The following OAS2 variants were observed in gnomAD, a reference collection of about 807,000 sequenced individuals.
OAS2 encodes 2'-5'-oligoadenylate synthase 2.
A neutral mutation model predicts 71.3 loss-of-function variants in OAS2; 67 were observed. The observed-to-expected ratio is 0.94, with a 90% confidence interval of 0.77 to 1.15. The LOEUF (loss-of-function observed/expected upper bound fraction) is 1.15, where lower values mean the gene tolerates loss of function less well. OAS2 is among the 50% of genes most tolerant of loss of function. OAS2 has a pLI of 0.00. For missense variants in OAS2, 789 were observed against 822.5 expected (o/e 0.96, Z 0.50); for synonymous variants, 327 against 321.8 (o/e 1.02, Z -0.17).
At chr12:113,005,515 C>A (rs566963635) in intron 7 of OAS2, among the ~76,000 whole-genome samples, 1 of 151,862 alleles carries the variant, frequency 6.6e-6, no homozygotes, top group East Asian at 1.9e-4. Context: ...CCACTGCACT[C>A]CAGCCTGGGT....
At chr12:113,000,727 A>G (rs547782777) in intron 5 of OAS2, among the ~76,000 whole-genome samples, 2 of 151,964 alleles carry the variant, frequency 1.3e-5, no homozygotes, top group South Asian at 4.2e-4. Flanking sequence ...ACATGCACTC[A>G]CACACATGCA....
chr12:113,007,721 A>C lies in OAS2; in HGVS notation c.1673A>C (p.Lys558Thr), dbSNP rs1194228453. 3 of 1,614,052 alleles carry C rather than the reference A, an allele frequency of 1.9e-6. No homozygotes were observed. Among genetic ancestry groups the C allele is most frequent in the Non-Finnish European group, 1.7e-6 (2 of 1,179,938 alleles). The change falls in exon 9 of 10, where the codon AAG becomes ACG. Residue 558 changes from lysine (K) to threonine (T), a missense_variant. Lys to Thr is a moderately conservative substitution (Grantham distance 78, BLOSUM62 -1). Transcript: ENST00000392583. ...CTTACCTAGTGTGAAAGGAAACTGA[A>C]GCCAAAGGGGTCTTTGCCCCCAAAG... ...HWYKECERKL[K>T]PKGSLPPKYA...
At chr12:113,007,639 T>C in intron 8 of OAS2, 66 bp from the exon 9 acceptor site, 20 of 1,314,472 alleles carry the variant, frequency 1.5e-5, no homozygotes, top group Non-Finnish European at 2.1e-5. Context: ...CTTGCTGTGG[T>C]CCCTGTGCGG....
At chr12:112,980,046 A>G (rs1197138139) in intron 1 of OAS2, among the ~76,000 whole-genome samples, 1 of 152,186 alleles carries the variant, frequency 6.6e-6, no homozygotes, top group African/African-American at 2.4e-5. Flanking sequence ...GTTGTGGGGT[A>G]CAGTTGTTTA....
At position 113,010,665 on chromosome 12, in the gene OAS2, C is replaced by T; in HGVS notation, c.*1410C>T. The T allele has an allele frequency of 3.7e-6, 3 of 811,724 alleles. No individual in the cohort carries two copies. The highest frequency in any genetic ancestry group is 2.4e-4 in the Middle Eastern group (1 of 4,098). 50.3% of individuals were successfully genotyped at this position (811,724 alleles called of 1,614,324 possible). A position where few individuals can be genotyped will look rare whatever the true frequency, so the allele number is the denominator to read the frequency against. On this transcript the variant is annotated 3_prime_UTR_variant, in exon 10 of 10. Transcript: ENST00000392583. Reference sequence around the variant, plus strand: ...TGCTGAACTCCCTCTCTGCAGGCAGCCTGCCTTTAAAAATAGTTGCTGTCA... The same window carrying T: ...TGCTGAACTCCCTCTCTGCAGGCAGTCTGCCTTTAAAAATAGTTGCTGTCA...
intron 3 of OAS2, among the ~76,000 whole-genome samples, chr12:112,996,712 C>T (rs191511918): frequency 2.6e-5 from 4 of 152,086 alleles, no homozygotes; most frequent in Non-Finnish European, 4.4e-5. Flanking sequence ...TAAATCAACA[C>T]ATGGAGGCTG....
chr12:113,008,009 G>C, intron 9 of OAS2, 66 bp downstream of exon 9: 1 of 1,157,274 alleles, frequency 8.6e-7, no homozygotes, highest in Non-Finnish European at 1.3e-6. Flanking sequence ...CAGCAACCTG[G>C]ATTTTCCTCT....
At chr12:112,986,994 C>T (rs1281305769) in intron 1 of OAS2, 44 bp from the exon 2 acceptor site, 3 of 1,562,648 alleles carry the variant, frequency 1.9e-6, no homozygotes, top group Non-Finnish European at 2.6e-6. Flanking sequence ...ATCCCTGTAA[C>T]CCCAGAATCT....
Position 113,010,217 on chromosome 12 carries a change from A to G in OAS2, c.*962A>G. The G allele has an allele frequency of 7.0e-7, 1 of 1,428,384 alleles. No homozygotes were observed. The highest frequency in any genetic ancestry group is 1.6e-5 in the South Asian group (1 of 62,202). The allele number at this position is 1,428,384 out of a possible 1,614,324, so 88.5% of individuals were successfully genotyped here. A position where few individuals can be genotyped will look rare whatever the true frequency, so the allele number is the denominator to read the frequency against. ...CAAGCCAACCGTGGGGTTAGCTCTA[A>G]TTATTAAGATATGCATTATAAATAA... On this transcript the variant is annotated 3_prime_UTR_variant, in exon 10 of 10. Transcript: ENST00000392583.
chr12:112,991,767 C>G (rs964470473), intron 2 of OAS2, among the ~76,000 whole-genome samples: 1 of 152,100 alleles, frequency 6.6e-6, no homozygotes, highest in Non-Finnish European at 1.5e-5. Context: ...TTTTGGGGCC[C>G]CAAGATTTAT....
At chr12:112,998,451 G>A in intron 5 of OAS2, 41 bp downstream of exon 5, 2 of 1,590,106 alleles carry the variant, frequency 1.3e-6, no homozygotes, top group Non-Finnish European at 1.7e-6. Flanking sequence ...CATGCTGCAG[G>A]AAGGTCTTCC....
At chr12:112,990,236 C>A (rs2044179256) in intron 2 of OAS2, among the ~76,000 whole-genome samples, 1 of 152,150 alleles carries the variant, frequency 6.6e-6, no homozygotes, top group Non-Finnish European at 1.5e-5. Context: ...AGAACGTGTG[C>A]CCCAGGTGAT....
rs763154036 is a variant in OAS2 at position 112,978,706 on chromosome 12, T to C, written c.98T>C (p.Leu33Pro). The C allele has an allele frequency of 5.6e-6, 9 of 1,614,064 alleles. No homozygotes were observed. In the East Asian group the frequency reaches 8.9e-5, roughly 16 times the overall value. The change falls in exon 1 of 10, where the codon CTG (leucine) becomes CCG (proline). Residue 33 changes from leucine (L) to proline (P), a missense_variant. Physicochemically the swap from Leu to Pro is moderately conservative, Grantham distance 98 (BLOSUM62 -3). Coordinates refer to ENST00000392583, the MANE Select transcript of OAS2 (RefSeq NM_002535.3). The surrounding 1 kb of genome is among the most constrained non-coding windows in gnomAD (Gnocchi z 4.2). ...AAGCCCTACGAAGAATGTCAGACACTGATCGACGAGATGGTGAACACCATC... is the reference window on the plus strand; with the variant it reads ...AAGCCCTACGAAGAATGTCAGACACCGATCGACGAGATGGTGAACACCATC... ...YLKPYEECQT[L>P]IDEMVNTICD...
At position 113,003,073 on chromosome 12, in the gene OAS2, C is replaced by A. The variant is rs2136392248; in HGVS notation, c.1150C>A (p.Gln384Lys). 1.9e-6 allele frequency: 3 copies of A among 1,614,138 alleles called. No homozygotes were observed. The highest frequency in any genetic ancestry group is 4.5e-5 in the East Asian group (2 of 44,878). Reference sequence around the variant, plus strand: ...ATTCCTTAAAGAAAACTGCTTCCGACAATCAACAGCCAAGATCCAGATTGT... The same window carrying A: ...ATTCCTTAAAGAAAACTGCTTCCGAAAATCAACAGCCAAGATCCAGATTGT... ...RTFLKENCFR[Q>K]STAKIQIVRG... is the part of the protein sequence containing the mutation. The change falls in exon 6 of 10, where the codon CAA becomes AAA. Residue 384 changes from glutamine to lysine, a missense_variant. Transcript: ENST00000392583.
At chr12:113,003,768 C>T (rs994733062) in intron 6 of OAS2, among the ~76,000 whole-genome samples, 1 of 152,168 alleles carries the variant, frequency 6.6e-6, no homozygotes. Context: ...AACGTGTCCC[C>T]GTGGTCACAA....
intron 2 of OAS2, chr12:112,988,639 C>T (rs144828759): frequency 6.1e-6 from 6 of 985,294 alleles, no homozygotes; most frequent in African/African-American, 1.7e-5. Context: ...ACCAATACCC[C>T]CTACCTTTAG....
Position 113,002,951 on chromosome 12 carries a change from C to T in OAS2, c.1028C>T (p.Thr343Ile). Residue 343 changes from threonine (T) to isoleucine (I), a missense_variant, in exon 6 of 10, where the codon ACC becomes ATC. Transcript: ENST00000392583. ...WNVLPAPLFT[T>I]PGHLLDKFIK... The stretch of plus-strand genomic sequence containing the variant: ...CCCCAGCCTGCACCACTCTTCACGA[C>T]CCCAGGCCACCTTCTGGATAAGTTC... 6.2e-7 allele frequency: 1 copy of T among 1,614,056 alleles called. No homozygotes were observed. The highest frequency in any genetic ancestry group is 8.5e-7 in the Non-Finnish European group (1 of 1,179,962).
intron 7 of OAS2, 101 bp from the exon 8 acceptor site, chr12:113,006,312 C>A: frequency 1.0e-6 from 1 of 982,632 alleles, no homozygotes; most frequent in Non-Finnish European, 1.4e-6. Flanking sequence ...ATACTATTCA[C>A]AGTAATTTCC....
chr12:112,998,254 T>A lies in OAS2; in HGVS notation c.864-12T>A. On this transcript the variant is annotated splice_polypyrimidine_tract_variant and intron_variant, in intron 4 of 9. Coordinates refer to ENST00000392583, the MANE Select transcript of OAS2 (RefSeq NM_002535.3). Reference sequence around the variant, plus strand: ...GCTCAACTGACTTTTTTTAATCTAATGGAATACACAGGCCAGTAATCTTGG... The same window carrying A: ...GCTCAACTGACTTTTTTTAATCTAAAGGAATACACAGGCCAGTAATCTTGG... The A allele has an allele frequency of 1.9e-6, 3 of 1,607,796 alleles. No homozygotes were observed. The highest frequency in any genetic ancestry group is 1.7e-6 in the Non-Finnish European group (2 of 1,177,900).
Sources: allele counts gnomAD v4.1 joint callset (sites outside exome capture counted in the v4.1 genomes callset), GRCh38; gene constraint gnomAD v4.1.1; non-coding constraint Gnocchi (gnomAD v3.1); transcripts MANE v1.5; gene names NCBI Gene and HGNC (gene_info 2026-07-23, HGNC 2026-07-21).